Variants in PLEKHM2 observed in about 807,000 individuals in gnomAD.
PLEKHM2 encodes pleckstrin homology and RUN domain containing M2, also known as pleckstrin homology domain-containing family M member 2.
Under a neutral mutation model 116.3 loss-of-function variants are expected in PLEKHM2, and 77 were observed. That is an observed-to-expected ratio of 0.66 (90% CI 0.55 to 0.80). The LOEUF (loss-of-function observed/expected upper bound fraction) is 0.80, where lower values mean the gene tolerates loss of function less well. PLEKHM2 is among the 30% of genes least tolerant of loss of function. The pLI is 0.00. For missense variants in PLEKHM2, 1,183 were observed against 1,354.9 expected (o/e 0.87, Z 1.99); for synonymous variants, 562 against 571.0 (o/e 0.98, Z 0.22).
chr1:15,684,523 G>GGCA lies in PLEKHM2; in HGVS notation c.-35_-34insCAG, dbSNP rs1557635876. On this transcript the variant is annotated 5_prime_UTR_variant, in exon 1 of 20. Transcript: ENST00000375799. ...GAAGCGGCGGCGGGGCGGCGGCGGC[G>GGCA]GTGGCGGTGGCGGTGGCGGCGACGG... is the stretch of plus-strand genomic sequence containing the variant. The GGCA allele has an allele frequency of 1.1e-6, 1 of 898,998 alleles. No individual in the cohort carries two copies. 55.7% of individuals were successfully genotyped at this position (898,998 alleles called of 1,614,324 possible). A position where few individuals can be genotyped will look rare whatever the true frequency, so the allele number is the denominator to read the frequency against.
intron 1 of PLEKHM2, among the ~76,000 whole-genome samples, chr1:15,685,061 A>G (rs570536855): frequency 6.6e-5 from 10 of 152,214 alleles, no homozygotes; most frequent in Non-Finnish European, 1.5e-4. Context: ...TCACTTTCCC[A>G]TGGCCTGGGT....
rs6671925 is a variant in PLEKHM2, at chr1:15,730,055, C to G, written c.2208+126C>G. The G allele has an allele frequency of 3.0e-3, 8 of 2,710 alleles. No individual in the cohort carries two copies. In the Admixed American group the frequency reaches 0.032, roughly 11 times the overall value. The allele number at this position is 2,710 out of a possible 1,614,324, so 0.2% of individuals were successfully genotyped here. On this transcript the variant is annotated intron_variant, in intron 14 of 19. Transcript: ENST00000375799. ...TTCACAATCGCCTACCTGGGCGGGGCGGGGCGGGGCGGGGCGGGGCGGGGC... is the reference window on the plus strand; with the variant it reads ...TTCACAATCGCCTACCTGGGCGGGGGGGGGCGGGGCGGGGCGGGGCGGGGC...
At chr1:15,726,384 G>A (rs550585728) in intron 8 of PLEKHM2, among the ~76,000 whole-genome samples, 8 of 152,314 alleles carry the variant, frequency 5.3e-5, no homozygotes, top group Non-Finnish European at 1.2e-4. Flanking sequence ...CCCTGTGTGC[G>A]TGTCAGACTG....
rs2068126152 is a variant in PLEKHM2 at position 15,730,527 on chromosome 1, A to G, written c.2209-5A>G. Reference sequence around the variant, plus strand: ...CTTTGTCCCCCGTGCCCGCCCCCGCATCAGGCATCTGCTGTCACCGTGCGC... The same window carrying G: ...CTTTGTCCCCCGTGCCCGCCCCCGCGTCAGGCATCTGCTGTCACCGTGCGC... On this transcript the variant is annotated splice_region_variant and splice_polypyrimidine_tract_variant and intron_variant, in intron 14 of 19. Transcript: ENST00000375799. 1.9e-6 allele frequency: 3 copies of G among 1,563,826 alleles called. No individual in the cohort carries two copies. The highest frequency in any genetic ancestry group is 2.6e-6 in the Non-Finnish European group (3 of 1,153,726).
Position 15,731,904 on chromosome 1 carries a change from T to C in PLEKHM2, c.2481T>C (p.Gly827=), listed in dbSNP as rs1327446268. 3.0e-5 allele frequency: 49 copies of C among 1,611,004 alleles called. No homozygotes were observed. The Admixed American group carries it at 4.7e-4, about 15-fold the overall frequency. The change falls in exon 17 of 20, where the codon GGT becomes GGC. Residue 827 remains glycine, a synonymous_variant. Transcript: ENST00000375799. ...LSVNMGGEQC[G]GCRRANTTDR... The stretch of plus-strand genomic sequence containing the variant: ...TCTGGCCCAGGGGGGAGCAGTGCGG[T>C]GGCTGCCGGAGAGCCAACACCACGG...
At position 15,729,604 on chromosome 1, in the gene PLEKHM2, G is replaced by T. The variant is rs990192641; in HGVS notation, c.2076-193G>T. Among the ~76,000 whole-genome samples the T allele has an allele frequency of 6.6e-6, 1 of 152,150 alleles. No homozygotes were observed. The highest frequency in any genetic ancestry group is 1.5e-5 in the Non-Finnish European group (1 of 68,042). On this transcript the variant is annotated intron_variant, in intron 13 of 19. Transcript: ENST00000375799. This position sits in a 1 kb window ranked among gnomAD's most constrained non-coding sequence, Gnocchi z 4.7. ...CCCCTTGGCCATTGAGAACGATCAGGCCTGTTCCAGTTGTCATTTGATGAC... is the reference window on the plus strand; with the variant it reads ...CCCCTTGGCCATTGAGAACGATCAGTCCTGTTCCAGTTGTCATTTGATGAC...
At chr1:15,720,146 ATAT>A (rs757431929) in intron 6 of PLEKHM2, among the ~76,000 whole-genome samples, 15 of 147,934 alleles carry the variant, frequency 1.0e-4, no homozygotes, top group South Asian at 4.2e-4. Flanking sequence ...ATATATATAT[ATAT>A]AAAATATATA....
chr1:15,729,696 G>C lies in PLEKHM2; in HGVS notation c.2076-101G>C. The C allele has an allele frequency of 9.1e-7, 1 of 1,101,526 alleles. No homozygotes were observed. Among genetic ancestry groups the C allele is most frequent in the East Asian group, 2.4e-5 (1 of 41,810 alleles). 68.2% of individuals were successfully genotyped at this position (1,101,526 alleles called of 1,614,324 possible). ...GGGTCTAGCCAGGTCTCTCCCCCAA[G>C]TTTCTGTGACCCCTCCAGGCCAGCA... is the stretch of plus-strand genomic sequence containing the variant. On this transcript the variant is annotated intron_variant, in intron 13 of 19. Transcript: ENST00000375799. The surrounding 1 kb of genome is among the most constrained non-coding windows in gnomAD (Gnocchi z 4.7).
At position 15,729,108 on chromosome 1, in the gene PLEKHM2, C is replaced by T; in HGVS notation, c.1993C>T (p.Leu665Phe). Residue 665 changes from leucine to phenylalanine, a missense_variant, in exon 13 of 20, where the codon CTT (leucine) becomes TTT (phenylalanine). Transcript: ENST00000375799. The surrounding 1 kb of genome is among the most constrained non-coding windows in gnomAD (Gnocchi z 4.7). ...ACGGTGTGGTTTCTGGCAGGTTGGC[C>T]TTGACCAGCAGACGGTGAAGCTGGT... Reference protein sequence around the residue: ...YNELDYVSVGLDQQTVKLVCT... With the variant: ...YNELDYVSVGFDQQTVKLVCT... 1 of 1,608,276 alleles carries T rather than the reference C, an allele frequency of 6.2e-7. No individual in the cohort carries two copies. Among genetic ancestry groups the T allele is most frequent in the South Asian group, 1.1e-5 (1 of 89,780 alleles).
chr1:15,704,651 G>A lies in PLEKHM2; in HGVS notation c.61-11586G>A, dbSNP rs1387009490. ...GTTTAAATGCCTCATTTGCTGATGC[G>A]GGATCCACACAAGCTCCTGCCCTCC... On this transcript the variant is annotated intron_variant, in intron 1 of 19. Transcript: ENST00000375799. Among the ~76,000 whole-genome samples the A allele has an allele frequency of 4.6e-5, 7 of 152,032 alleles. No homozygotes were observed. In the East Asian group the frequency reaches 5.8e-4, roughly 13 times the overall value.
chr1:15,716,148 AT>A (rs930049714), intron 1 of PLEKHM2, 88 bp from the exon 2 acceptor site: 118 of 819,200 alleles, frequency 1.4e-4, no homozygotes, highest in Middle Eastern at 2.4e-4. Context: ...CATTTGACTA[AT>A]TTTTTTTAGC....
intron 19 of PLEKHM2, among the ~76,000 whole-genome samples, chr1:15,733,177 G>A (rs2068171388): frequency 6.6e-6 from 1 of 152,258 alleles, no homozygotes. Context: ...GCCCCAGACT[G>A]AGCAGACACA....
chr1:15,716,915 G>A (rs1641458517), intron 3 of PLEKHM2, 99 bp downstream of exon 3: 2 of 1,451,608 alleles, frequency 1.4e-6, no homozygotes, highest in East Asian at 5.0e-5. Context: ...TCAGCCCTGG[G>A]AGGCAAATTA....
At chr1:15,726,038 A>T (rs1240656903) in intron 8 of PLEKHM2, among the ~76,000 whole-genome samples, 1 of 152,012 alleles carries the variant, frequency 6.6e-6, no homozygotes, top group Non-Finnish European at 1.5e-5. Context: ...GGGGACACAC[A>T]CATTCACTCC....
upstream of PLEKHM2, chr1:15,684,304 C>T: frequency 6.3e-6 from 1 of 157,490 alleles, no homozygotes; most frequent in South Asian, 1.9e-4. Flanking sequence ...GTTCCTGCCG[C>T]CGCCGCCGCC....
intron 6 of PLEKHM2, chr1:15,720,430 G>A (rs1343585920): frequency 1.3e-5 from 13 of 985,118 alleles, no homozygotes; most frequent in Non-Finnish European, 1.6e-5. Flanking sequence ...TTCTGCGCTC[G>A]CTGATGTGTT....
intron 1 of PLEKHM2, among the ~76,000 whole-genome samples, chr1:15,685,557 A>AG (rs61449317): frequency 0.026 from 3,877 of 147,788 alleles, 189 homozygotes; most frequent in African/African-American, 0.095. Flanking sequence ...AAAAAAAAAA[A>AG]AAAGAAAGAA....
chr1:15,700,677 A>G (rs1449304768), intron 1 of PLEKHM2, among the ~76,000 whole-genome samples: 17 of 151,990 alleles, frequency 1.1e-4, no homozygotes, highest in Non-Finnish European at 4.4e-5. Context: ...TTCCTAACCA[A>G]ATGGTTTCTA....
chr1:15,698,315 C>T (rs1018913654), intron 1 of PLEKHM2, among the ~76,000 whole-genome samples: 14 of 152,020 alleles, frequency 9.2e-5, no homozygotes, highest in African/African-American at 3.4e-4. Context: ...GCAATCCTCC[C>T]GCCTCATCAT....
Sources: allele counts gnomAD v4.1 joint callset (sites outside exome capture counted in the v4.1 genomes callset), GRCh38; gene constraint gnomAD v4.1.1; non-coding constraint Gnocchi (gnomAD v3.1); transcripts MANE v1.5; gene names NCBI Gene and HGNC (gene_info 2026-07-23, HGNC 2026-07-21).